VNN2: variants seen among roughly 807,000 people sequenced by gnomAD.
The protein encoded by VNN2 is vanin 2.
A neutral mutation model predicts 43.0 loss-of-function variants in VNN2; 43 were observed. The observed-to-expected ratio is 1.00, with a 90% CI of 0.78 to 1.29. The LOEUF (loss-of-function observed/expected upper bound fraction) is 1.29, where lower values mean the gene tolerates loss of function less well. Ranked by LOEUF, VNN2 falls within the 50% of genes most tolerant of loss-of-function variation. The probability of loss-of-function intolerance (pLI) is 0.00; values close to 1 mark genes in which losing one functional copy is unlikely to be tolerated. For missense variants in VNN2, 652 were observed against 619.7 expected (o/e 1.05, Z -0.55); for synonymous variants, 230 against 224.3 (o/e 1.03, Z -0.23).
At chr6:132,749,961 A>T in intron 5 of VNN2, 96 bp from the exon 6 acceptor site, 1 of 1,169,952 alleles carries the variant, frequency 8.5e-7, no homozygotes, top group South Asian at 1.8e-5. Context: ...CGAAGCAAAC[A>T]TTATCTTTCT....
At chr6:132,747,411 G>A (rs1264363926) in intron 6 of VNN2, among the ~76,000 whole-genome samples, 1 of 152,116 alleles carries the variant, frequency 6.6e-6, no homozygotes, top group Non-Finnish European at 1.5e-5. Flanking sequence ...GATGTTAGGA[G>A]TTCGAGACCA....
chr6:132,757,939 A>G, upstream of VNN2: 1 of 1,465,910 alleles, frequency 6.8e-7, no homozygotes, highest in South Asian at 1.3e-5. Context: ...GTATTTACAG[A>G]GGGGAGAATG....
chr6:132,750,166 C>A (rs1779971279), intron 5 of VNN2, among the ~76,000 whole-genome samples: 1 of 151,954 alleles, frequency 6.6e-6, no homozygotes, highest in Admixed American at 6.6e-5. Context: ...CTTTGGGCAA[C>A]AATAGTACTG....
In VNN2 at chr6:132,757,791, A is replaced by G; in HGVS notation, c.93T>C (p.Tyr31=). ...TATTTGGCAAAATGACAGCATGTTC[A>G]TACACTGCAGCTATAAAACTGTCCT... ...GTQDSFIAAV[Y]EHAVILPNKT... The change falls in exon 1 of 7, where the codon TAT becomes TAC. Residue 31 remains tyrosine (Y), a synonymous_variant. Transcript: ENST00000326499. 6.2e-7 allele frequency: 1 copy of G among 1,614,182 alleles called. No individual in the cohort carries two copies. Among genetic ancestry groups the G allele is most frequent in the Non-Finnish European group, 8.5e-7 (1 of 1,180,028 alleles).
At chr6:132,754,425 A>AT (rs997643734) in intron 3 of VNN2, among the ~76,000 whole-genome samples, 2 of 152,126 alleles carry the variant, frequency 1.3e-5, no homozygotes, top group Admixed American at 1.3e-4. Context: ...TATGTTAACG[A>AT]TTTTTTCCAA....
At chr6:132,751,049 G>A in intron 5 of VNN2, 96 bp downstream of exon 5, 1 of 1,484,354 alleles carries the variant, frequency 6.7e-7, no homozygotes, top group Non-Finnish European at 9.0e-7. Flanking sequence ...ATGGAGTCAA[G>A]CCAAGGAAAA....
chr6:132,745,694 A>T (rs1779675111), intron 6 of VNN2, among the ~76,000 whole-genome samples: 1 of 152,266 alleles, frequency 6.6e-6, no homozygotes, highest in African/African-American at 2.4e-5. Flanking sequence ...GAATATGATC[A>T]GAGGAAGGTG....
chr6:132,760,118 T>C (rs936224677), upstream of VNN2, among the ~76,000 whole-genome samples: 3 of 152,208 alleles, frequency 2.0e-5, no homozygotes, highest in African/African-American at 4.8e-5. Context: ...GTCTGTGCTC[T>C]CTTTTAATGT....
chr6:132,755,654 C>T (rs553284564), intron 3 of VNN2, among the ~76,000 whole-genome samples, 189 bp downstream of exon 3: 1 of 152,262 alleles, frequency 6.6e-6, no homozygotes, highest in African/African-American at 2.4e-5. Flanking sequence ...GGCTTACAGG[C>T]ATAAGCCTCC....
intron 5 of VNN2, 117 bp downstream of exon 5, chr6:132,751,028 G>T: frequency 8.2e-7 from 1 of 1,223,440 alleles, no homozygotes; most frequent in Non-Finnish European, 1.1e-6. Flanking sequence ...TGTGTGTGTT[G>T]CCATCAATGC....
chr6:132,755,777 A>T, intron 3 of VNN2, 66 bp downstream of exon 3: 1 of 1,444,444 alleles, frequency 6.9e-7, no homozygotes, highest in Non-Finnish European at 9.3e-7. Context: ...TGAAATTCAA[A>T]CTCCTAAACC....
In VNN2 at chr6:132,757,540, G is replaced by C. The variant is rs754254747; in HGVS notation, c.220C>G (p.Arg74Gly). The change falls in exon 2 of 7, where the codon CGA becomes GGA. Residue 74 changes from arginine to glycine, a missense_variant. Arg to Gly is a moderately radical substitution (Grantham distance 125). Coordinates refer to ENST00000326499, the MANE Select transcript of VNN2 (RefSeq NM_004665.6). ...AIKQAAEQGA[R>G]IIVTPEDALY... Reference sequence around the variant, plus strand: ...GCATCTTCTGGAGTCACAATGATTCGAGCACCCTGTTCAAAACAAGCAAAA... The same window carrying C: ...GCATCTTCTGGAGTCACAATGATTCCAGCACCCTGTTCAAAACAAGCAAAA... 6.2e-7 allele frequency: 1 copy of C among 1,613,194 alleles called. No homozygotes were observed. The highest frequency in any genetic ancestry group is 1.3e-5 in the African/African-American group (1 of 74,838).
chr6:132,758,002 T>C (rs1288671197), upstream of VNN2: 1 of 169,726 alleles, frequency 5.9e-6, no homozygotes, highest in Non-Finnish European at 9.3e-6. Flanking sequence ...TCATCATTTT[T>C]CTTCTTCTTC....
In VNN2 at chr6:132,752,763, A is replaced by G. The variant is rs750224252; in HGVS notation, c.538-14T>C. The G allele has an allele frequency of 6.2e-7, 1 of 1,601,808 alleles. No homozygotes were observed. Among genetic ancestry groups the G allele is most frequent in the Non-Finnish European group, 8.5e-7 (1 of 1,174,450 alleles). On this transcript the variant is annotated splice_polypyrimidine_tract_variant and intron_variant, in intron 3 of 6. Transcript: ENST00000326499. ...GTACAGGTGGTACTACAACAAATGG[A>G]TAGGAGAAAACCAGTAAAACCTTAT...
At chr6:132,756,154 C>T in intron 2 of VNN2, 119 bp from the exon 3 acceptor site, 2 of 926,712 alleles carry the variant, frequency 2.2e-6, no homozygotes, top group South Asian at 3.9e-5. Flanking sequence ...AAAACTATGC[C>T]TAAAAATATC....
intron 4 of VNN2, 107 bp from the exon 5 acceptor site, chr6:132,751,625 C>A: frequency 7.4e-7 from 1 of 1,353,442 alleles, no homozygotes; most frequent in South Asian, 1.4e-5. Flanking sequence ...CCATATTAGT[C>A]ACGATGAGAG....
upstream of VNN2, chr6:132,758,000 T>TTTCTTC (rs60545394): frequency 0.014 from 4,925 of 340,572 alleles, 201 homozygotes; most frequent in South Asian, 0.033. Context: ...TATCATCATT[T>TTTCTTC]TTCTTCTTCT....
chr6:132,758,148 G>A (rs1259301738), upstream of VNN2: 11 of 325,032 alleles, frequency 3.4e-5, no homozygotes, highest in Admixed American at 4.3e-4. Flanking sequence ...AGGTTCAAGC[G>A]ATTGTCCTTC....
rs148820509 is a variant in VNN2 at position 132,744,293 on chromosome 6, A to T, written c.*7T>A. Reference sequence around the variant, plus strand: ...ATGATGCAGAAGCTGAGTGATAAAGAGACGCCCTATAACATTACAATATTT... The same window carrying T: ...ATGATGCAGAAGCTGAGTGATAAAGTGACGCCCTATAACATTACAATATTT... On this transcript the variant is annotated 3_prime_UTR_variant, in exon 7 of 7. Transcript: ENST00000326499. 6.2e-7 allele frequency: 1 copy of T among 1,600,428 alleles called. No individual in the cohort carries two copies. The highest frequency in any genetic ancestry group is 8.5e-7 in the Non-Finnish European group (1 of 1,175,858).
Sources: gnomAD v4.1 joint callset for allele counts (sites outside exome capture counted in the v4.1 genomes callset) on GRCh38, gnomAD v4.1.1 for gene constraint, MANE v1.5 for transcripts, NCBI Gene and HGNC (gene_info 2026-07-23, HGNC 2026-07-21) for gene names.